The following ANKRD2 variants were observed in gnomAD, a reference collection of about 807,000 sequenced individuals.
ANKRD2 encodes ankyrin repeat domain-containing protein 2.
In ANKRD2, 35 loss-of-function variants were observed where a neutral mutation model predicts 37.3. That is an observed-to-expected ratio of 0.94 (90% CI 0.72 to 1.24). The LOEUF (loss-of-function observed/expected upper bound fraction) is 1.24, where lower values mean the gene tolerates loss of function less well. Among genes scored for constraint, ANKRD2 ranks in the 50% most tolerant of loss-of-function variants. The pLI, the probability that ANKRD2 is intolerant of heterozygous loss-of-function variation, is 0.00. For missense variants in ANKRD2, 410 were observed against 445.6 expected, an observed-to-expected ratio of 0.92 and a Z score of 0.72; for synonymous variants, 159 against 186.5, an observed-to-expected ratio of 0.85 and a Z score of 1.20.
At chr10:97,580,662 G>A (rs964048058) in intron 4 of ANKRD2, among the ~76,000 whole-genome samples, 193 bp from the exon 5 acceptor site, 1 of 152,196 alleles carries the variant, frequency 6.6e-6, no homozygotes, top group African/African-American at 2.4e-5. Context: ...TGAGAAGGTC[G>A]GGTTCCCTGG....
chr10:97,572,574 C>A (rs2040770805), upstream of ANKRD2: 5 of 1,137,478 alleles, frequency 4.4e-6, no homozygotes, highest in African/African-American at 6.2e-5. Flanking sequence ...ACAGTGCCCT[C>A]CGGCTCTAAT....
At chr10:97,573,667 T>C (rs1385467928) in intron 1 of ANKRD2, among the ~76,000 whole-genome samples, 1 of 152,122 alleles carries the variant, frequency 6.6e-6, no homozygotes, top group Non-Finnish European at 1.5e-5. Context: ...CCTCAGATGA[T>C]CCACCCACCT....
chr10:97,582,824 T>A (rs2040919555), intron 8 of ANKRD2, 122 bp downstream of exon 8: 4 of 799,222 alleles, frequency 5.0e-6, no homozygotes, highest in Admixed American at 4.2e-5. Flanking sequence ...GCCAGCACCA[T>A]AGTACATAAA....
upstream of ANKRD2, chr10:97,572,711 G>C: frequency 6.2e-7 from 1 of 1,603,612 alleles, no homozygotes; most frequent in Non-Finnish European, 8.5e-7. Flanking sequence ...TGAGCTCATG[G>C]CAAAGGCGCC....
At chr10:97,577,280 A>T (rs2040837457) in intron 1 of ANKRD2, among the ~76,000 whole-genome samples, 1 of 152,062 alleles carries the variant, frequency 6.6e-6, no homozygotes, top group African/African-American at 2.4e-5. Flanking sequence ...CTGGGATTAT[A>T]GAGGTGAGCC....
chr10:97,577,766 G>A (rs2040842529), intron 1 of ANKRD2, 34 bp from the exon 2 acceptor site: 3 of 1,513,888 alleles, frequency 2.0e-6, no homozygotes, highest in Non-Finnish European at 2.7e-6. Context: ...TGTCTCCTCG[G>A]GTCCTGGAGA....
At chr10:97,575,594 C>T (rs1038661486) in intron 1 of ANKRD2, among the ~76,000 whole-genome samples, 2 of 152,052 alleles carry the variant, frequency 1.3e-5, no homozygotes, top group African/African-American at 4.8e-5. Flanking sequence ...ACATGGAAAC[C>T]TCTCATCTAT....
intron 1 of ANKRD2, 93 bp downstream of exon 1, chr10:97,572,968 G>GGGA (rs776913832): frequency 4.7e-5 from 69 of 1,464,500 alleles, no homozygotes; most frequent in Non-Finnish European, 6.0e-5. Flanking sequence ...ACCTGTGGTG[G>GGGA]GGAGGGGGGC....
upstream of ANKRD2, chr10:97,572,568 T>G (rs2040770722): frequency 1.9e-6 from 2 of 1,059,218 alleles, no homozygotes; most frequent in Non-Finnish European, 2.7e-6. Context: ...TGGGACACAG[T>G]GCCCTCCGGC....
chr10:97,572,492 A>G, upstream of ANKRD2: 1 of 553,802 alleles, frequency 1.8e-6, no homozygotes, highest in South Asian at 3.1e-5. Context: ...TGCCTTGGCT[A>G]AGGCCCAACC....
intron 6 of ANKRD2, 29 bp from the exon 7 acceptor site, chr10:97,582,286 A>G (rs2040907412): frequency 6.5e-7 from 1 of 1,542,056 alleles, no homozygotes; most frequent in Non-Finnish European, 8.8e-7. Flanking sequence ...GGCCCCGTCA[A>G]CTAGCAGTTC....
chr10:97,572,709 T>C, upstream of ANKRD2: 2 of 1,603,488 alleles, frequency 1.2e-6, no homozygotes, highest in Non-Finnish European at 1.7e-6. Flanking sequence ...AGTGAGCTCA[T>C]GGCAAAGGCG....
intron 2 of ANKRD2, 96 bp from the exon 3 acceptor site, chr10:97,578,144 G>GGGGCCCCCCCCCCCCCCCCCCCC: frequency 1.5e-6 from 1 of 685,446 alleles, no homozygotes; most frequent in Non-Finnish European, 2.5e-6. Flanking sequence ...GGGTCTTCCT[G>GGGGCCCCCCCCCCCCCCCCCCCC]CCCACCCCAC....
Position 97,583,592 on chromosome 10 carries a change from C to T in ANKRD2, c.869C>T (p.Thr290Met), listed in dbSNP as rs767072290. 43 of 1,604,018 alleles carry T rather than the reference C, an allele frequency of 2.7e-5. No individual in the cohort carries two copies. Among genetic ancestry groups the T allele is most frequent in the South Asian group, 1.8e-4 (16 of 89,056 alleles). The change falls in exon 9 of 9, where the codon ACG becomes ATG. Residue 290 changes from threonine to methionine, a missense_variant. Physicochemically the swap from Thr to Met is moderately conservative, Grantham distance 81. Transcript: ENST00000370655. ...MTKNLAGKTPTDLVQLWQADT... is the reference protein window; with the variant it reads ...MTKNLAGKTPMDLVQLWQADT... ...CCCCTCCAGGCAGGAAAGACCCCGA[C>T]GGACCTGGTGCAGCTCTGGCAGGCT...
Position 97,572,795 on chromosome 10 carries a change from G to A in ANKRD2, c.7G>A (p.Gly3Ser), listed in dbSNP as rs765534840. 1.4e-5 allele frequency: 22 copies of A among 1,586,458 alleles called. 1 individual carries two copies. The highest frequency in any genetic ancestry group is 3.5e-4 in the Middle Eastern group (2 of 5,668). The change falls in exon 1 of 9, where the codon GGC (glycine) becomes AGC (serine). Residue 3 changes from glycine to serine, a missense_variant. Gly to Ser is a moderately conservative substitution (Grantham distance 56, BLOSUM62 0). Coordinates refer to ENST00000370655, the MANE Select transcript of ANKRD2 (RefSeq NM_001346793.2). Reference protein sequence around the residue: MDGTMEDSEAVQR... With the variant: MDSTMEDSEAVQR... The stretch of plus-strand genomic sequence containing the variant: ...GTGGCCTGCAGAGGCGGTTATGGAC[G>A]GCACCATGGAGGACTCCGAGGCGGT...
upstream of ANKRD2, chr10:97,572,488 G>T: frequency 5.4e-6 from 3 of 554,578 alleles, no homozygotes; most frequent in Non-Finnish European, 9.4e-6. Context: ...CAGTTGCCTT[G>T]GCTAAGGCCC....
Position 97,581,406 on chromosome 10 carries a change from A to G in ANKRD2, c.646A>G (p.Arg216Gly), listed in dbSNP as rs1307812083. Residue 216 changes from arginine (R) to glycine (G), a missense_variant, in exon 6 of 9, where the codon AGG (arginine) becomes GGG (glycine). Transcript: ENST00000370655. The part of the protein sequence containing the change: ...LQSHGADTNV[R>G]DKLLSTPLHV... ...AAGCCATGGAGCAGACACCAATGTG[A>G]GGGATAAGGTGAGGCAAAAACACTC... 6.2e-7 allele frequency: 1 copy of G among 1,614,088 alleles called. No individual in the cohort carries two copies. The highest frequency in any genetic ancestry group is 8.5e-7 in the Non-Finnish European group (1 of 1,179,978).
At position 97,582,377 on chromosome 10, in the gene ANKRD2, T is replaced by C; in HGVS notation, c.717T>C (p.Phe239=). ...GGCAGGTGGAGATTGTGGAGCACTT[T>C]CTATCCCTGGGCCTGGAAATCAATG... The part of the protein sequence containing the change: ...RTGQVEIVEH[F]LSLGLEINAR... Residue 239 remains phenylalanine (F), a synonymous_variant, in exon 7 of 9, where the codon TTT becomes TTC. Transcript: ENST00000370655. The C allele has an allele frequency of 6.4e-7, 1 of 1,563,038 alleles. No individual in the cohort carries two copies. Among genetic ancestry groups the C allele is most frequent in the East Asian group, 2.4e-5 (1 of 41,870 alleles).
Position 97,582,328 on chromosome 10 carries a change from C to A in ANKRD2, c.668C>A (p.Pro223Gln). Residue 223 changes from proline to glutamine, a missense_variant, in exon 7 of 9, where the codon CCG becomes CAG. By Grantham distance (76) the Pro-to-Gln change is moderately conservative (BLOSUM62 -1). Coordinates refer to ENST00000370655, the MANE Select transcript of ANKRD2 (RefSeq NM_001346793.2). ...TNVRDKLLST[P>Q]LHVAVRTGQV... is the part of the protein sequence containing the mutation. ...CCTCCCACCCAGCTGCTGAGCACCCCGCTGCACGTGGCAGTCCGGACAGGG... is the reference window on the plus strand; with the variant it reads ...CCTCCCACCCAGCTGCTGAGCACCCAGCTGCACGTGGCAGTCCGGACAGGG... 1.3e-6 allele frequency: 2 copies of A among 1,556,264 alleles called. No individual in the cohort carries two copies. The highest frequency in any genetic ancestry group is 2.4e-5 in the South Asian group (2 of 84,442).
Sources: allele counts gnomAD v4.1 joint callset (sites outside exome capture counted in the v4.1 genomes callset), GRCh38; gene constraint gnomAD v4.1.1; transcripts MANE v1.5; gene names NCBI Gene and HGNC (gene_info 2026-07-23, HGNC 2026-07-21).